ADK: variants seen among roughly 807,000 people sequenced by gnomAD.
ADK encodes adenosine kinase.
In ADK, 24 loss-of-function variants were observed where a neutral mutation model predicts 44.7. The ratio of observed to expected loss-of-function variants is 0.54; its 90% CI spans 0.39 to 0.76. The LOEUF (loss-of-function observed/expected upper bound fraction) is 0.76, where lower values mean the gene tolerates loss of function less well. Ranked by LOEUF, ADK falls within the 30% of genes least tolerant of loss-of-function variation. The pLI is 0.00. For missense variants in ADK, 321 were observed against 425.1 expected (o/e 0.76, Z 2.15); for synonymous variants, 128 against 142.6 (o/e 0.90, Z 0.73).
At chr10:74,275,239 T>A (rs1422355108) in intron 3 of ADK, among the ~76,000 whole-genome samples, 3 of 152,136 alleles carry the variant, frequency 2.0e-5, no homozygotes, top group African/African-American at 7.2e-5. Flanking sequence ...TTTAAGACAA[T>A]TGCATTTCTT....
intron 6 of ADK, among the ~76,000 whole-genome samples, chr10:74,462,360 G>A (rs1846199889): frequency 6.6e-6 from 1 of 152,032 alleles, no homozygotes; most frequent in African/African-American, 2.4e-5. Flanking sequence ...CTCTTTCTAA[G>A]AGTATATTTT....
intron 3 of ADK, among the ~76,000 whole-genome samples, chr10:74,295,202 C>T (rs1005300364): frequency 6.6e-6 from 1 of 151,974 alleles, no homozygotes; most frequent in African/African-American, 2.4e-5. Context: ...TGGCTCACAC[C>T]CGTAATCCCA....
At chr10:74,535,504 T>G (rs911195973) in intron 7 of ADK, among the ~76,000 whole-genome samples, 2 of 151,694 alleles carry the variant, frequency 1.3e-5, no homozygotes, top group African/African-American at 2.4e-5. Context: ...ATTCATAAAC[T>G]ATGAATTCTA....
chr10:74,579,140 A>C (rs551425630), intron 7 of ADK, among the ~76,000 whole-genome samples: 29 of 152,104 alleles, frequency 1.9e-4, no homozygotes, highest in Admixed American at 1.8e-3. Context: ...AGACTGAGGC[A>C]TGAGAATCGC....
At chr10:74,186,283 C>CAAA (rs1296904312) in intron 1 of ADK, among the ~76,000 whole-genome samples, 1 of 151,076 alleles carries the variant, frequency 6.6e-6, no homozygotes, top group Non-Finnish European at 1.5e-5. Flanking sequence ...CTCCCCTTTC[C>CAAA]CTTCTCCTTT....
intron 4 of ADK, among the ~76,000 whole-genome samples, chr10:74,357,569 G>A (rs1842188869): frequency 6.6e-6 from 1 of 151,592 alleles, no homozygotes; most frequent in South Asian, 2.1e-4. Context: ...CCAAAGTGCT[G>A]GGGTTACGGG....
chr10:74,271,520 T>A (rs1488977172), intron 3 of ADK, among the ~76,000 whole-genome samples: 2 of 78,034 alleles, frequency 2.6e-5, no homozygotes, highest in African/African-American at 1.0e-4. Flanking sequence ...CATTAACTCA[T>A]CATTTAGCAT....
At chr10:74,359,238 A>C (rs574208389) in intron 4 of ADK, among the ~76,000 whole-genome samples, 19 of 152,054 alleles carry the variant, frequency 1.2e-4, no homozygotes, top group African/African-American at 4.1e-4. Flanking sequence ...ATATAATTTG[A>C]ATTTGTGTAG....
intron 3 of ADK, among the ~76,000 whole-genome samples, chr10:74,290,997 A>G (rs754333739): frequency 1.2e-4 from 18 of 152,324 alleles, no homozygotes; most frequent in East Asian, 1.9e-4. Context: ...AATAAGTGCT[A>G]TGGGAGATTT....
chr10:74,443,748 T>C (rs886780481), intron 6 of ADK, among the ~76,000 whole-genome samples: 5 of 152,160 alleles, frequency 3.3e-5, no homozygotes, highest in African/African-American at 1.2e-4. Context: ...ACAAAACTTT[T>C]AGACTACTGT....
At chr10:74,403,400 A>C (rs1223851503) in intron 6 of ADK, among the ~76,000 whole-genome samples, 1 of 152,046 alleles carries the variant, frequency 6.6e-6, no homozygotes, top group East Asian at 1.9e-4. Context: ...ACCTAGTTCG[A>C]GCTTCCTGGC....
At chr10:74,425,411 G>C (rs554615537) in intron 6 of ADK, among the ~76,000 whole-genome samples, 135 of 152,130 alleles carry the variant, frequency 8.9e-4, no homozygotes, top group Non-Finnish European at 1.5e-3. Context: ...ACTTTATGTG[G>C]AGAGTCTAAT....
chr10:74,565,985 T>G (rs1850653937), intron 7 of ADK, among the ~76,000 whole-genome samples: 1 of 152,130 alleles, frequency 6.6e-6, no homozygotes, highest in Non-Finnish European at 1.5e-5. Flanking sequence ...AAATAATTTC[T>G]GACTGATAAG....
intron 10 of ADK, among the ~76,000 whole-genome samples, chr10:74,678,193 A>T (rs1217786615): frequency 6.6e-6 from 1 of 151,764 alleles, no homozygotes; most frequent in Non-Finnish European, 1.5e-5. Context: ...ATAGTAGTTC[A>T]GGTTCATGCA....
chr10:74,655,651 A>C, intron 9 of ADK: 1 of 446,504 alleles, frequency 2.2e-6, no homozygotes, highest in South Asian at 1.8e-5. Flanking sequence ...CTTCCAGAGC[A>C]GCCAGGAAGA....
Position 74,363,429 on chromosome 10 carries a change from C to T in ADK, c.274-30712C>T, listed in dbSNP as rs562713897. On this transcript the variant is annotated intron_variant, in intron 4 of 10. Transcript: ENST00000539909. ...AGCTGAAACTGCACCACCCTGGGAT[C>T]TGCTGTTGGATGGAGGTTGATGTGC... 2.6e-5 allele frequency among the ~76,000 whole-genome samples: 4 copies of T among 152,282 alleles called. No homozygotes were observed. The East Asian group carries it at 5.8e-4, about 22-fold the overall frequency.
chr10:74,295,171 A>G (rs1464740241), intron 3 of ADK, among the ~76,000 whole-genome samples: 3 of 151,666 alleles, frequency 2.0e-5, no homozygotes, highest in Admixed American at 6.6e-5. Context: ...AAGAATTTTT[A>G]ATGAATTTGG....
intron 2 of ADK, among the ~76,000 whole-genome samples, chr10:74,223,210 G>A (rs895512495): frequency 1.3e-5 from 2 of 152,048 alleles, no homozygotes; most frequent in Non-Finnish European, 2.9e-5. Flanking sequence ...GTGGTGCAGG[G>A]TATCACATGG....
At chr10:74,693,632 G>A (rs556903866) in intron 10 of ADK, among the ~76,000 whole-genome samples, 7 of 152,292 alleles carry the variant, frequency 4.6e-5, no homozygotes, top group East Asian at 1.9e-4. Flanking sequence ...CAAAAGATGC[G>A]TACTGATTTA....
Sources: gnomAD v4.1 joint callset for allele counts (sites outside exome capture counted in the v4.1 genomes callset) on GRCh38, gnomAD v4.1.1 for gene constraint, MANE v1.5 for transcripts, NCBI Gene and HGNC (gene_info 2026-07-23, HGNC 2026-07-21) for gene names.